The following NEU3 variants were observed in gnomAD, a reference collection of about 807,000 sequenced individuals.
The protein encoded by NEU3 is neuraminidase 3, also known as sialidase-3.
A neutral mutation model predicts 11.4 loss-of-function variants in NEU3; 10 were observed. That is an observed-to-expected ratio of 0.88 (90% confidence interval 0.54 to 1.49). The LOEUF (loss-of-function observed/expected upper bound fraction) is 1.49, where lower values mean the gene tolerates loss of function less well. Among genes scored for constraint, NEU3 ranks in the 40% most tolerant of loss-of-function variants. NEU3 has a pLI of 0.00. For synonymous variants in NEU3, 212 were observed against 228.2 expected, an observed-to-expected ratio of 0.93 and a Z score of 0.64; for missense variants, 529 against 581.8, an observed-to-expected ratio of 0.91 and a Z score of 0.93.
intron 2 of NEU3, among the ~76,000 whole-genome samples, 176 bp from the exon 3 acceptor site, chr11:75,005,237 C>T (rs533515461): frequency 1.3e-5 from 2 of 152,242 alleles, no homozygotes; most frequent in Non-Finnish European, 2.9e-5. Context: ...TTGTCTCTTT[C>T]CAGCTTTGTA....
chr11:74,994,412 C>G (rs140974873), intron 1 of NEU3, 97 bp from the exon 2 acceptor site: 199 of 853,044 alleles, frequency 2.3e-4, no homozygotes, highest in South Asian at 3.3e-4. Flanking sequence ...TGTGCCCCCC[C>G]ACCTTTGCTC....
chr11:74,989,846 G>T (rs1295740647), intron 1 of NEU3: 16 of 638,186 alleles, frequency 2.5e-5, no homozygotes, highest in Non-Finnish European at 4.3e-5. Context: ...CAGTAAGAAA[G>T]CGGGAAGGAC....
At chr11:74,984,321 A>C (rs1948654446), upstream of NEU3, among the ~76,000 whole-genome samples, 1 of 152,208 alleles carries the variant, frequency 6.6e-6, no homozygotes, top group Admixed American at 6.5e-5. Context: ...ATTATTGAAG[A>C]TTCAGGTTCC....
chr11:74,981,327 T>C, the NEU3 span, among the ~76,000 whole-genome samples: 1 of 152,210 alleles, frequency 6.6e-6, no homozygotes, highest in Non-Finnish European at 1.5e-5. Context: ...GGAGAGGCAA[T>C]CTGCCATGAG....
upstream of NEU3, among the ~76,000 whole-genome samples, chr11:74,984,866 G>A (rs1948656516): frequency 6.6e-6 from 1 of 152,154 alleles, no homozygotes; most frequent in African/African-American, 2.4e-5. Context: ...GGAGGTCTGG[G>A]AGGTCCTCAT....
Position 75,006,289 on chromosome 11 carries a change from A to G in NEU3, c.1183A>G (p.Ile395Val). 6.2e-7 allele frequency: 1 copy of G among 1,613,922 alleles called. No individual in the cohort carries two copies. Among genetic ancestry groups the G allele is most frequent in the Non-Finnish European group, 8.5e-7 (1 of 1,179,882 alleles). ...LEAACWSRPW[I>V]LHCGPCGYSD... ...GGCTGCCTGCTGGTCCCGCCCCTGGATCTTGCACTGTGGGCCCTGTGGCTA... is the reference window on the plus strand; with the variant it reads ...GGCTGCCTGCTGGTCCCGCCCCTGGGTCTTGCACTGTGGGCCCTGTGGCTA... The change falls in exon 3 of 3, where the codon ATC (isoleucine) becomes GTC (valine). Residue 395 changes from isoleucine (I) to valine (V), a missense_variant. Ile to Val is a conservative substitution (Grantham distance 29). Coordinates refer to ENST00000294064, the MANE Select transcript of NEU3 (RefSeq NM_006656.6).
chr11:75,006,808 A>G lies in NEU3; in HGVS notation c.*316A>G, dbSNP rs926393469. ...GAGAGTATTGGTTCTAAGATTTCTC[A>G]TCTTCTCATCCCTAGGACAAGCATA... On this transcript the variant is annotated 3_prime_UTR_variant, in exon 3 of 3. Coordinates refer to ENST00000294064, the MANE Select transcript of NEU3 (RefSeq NM_006656.6). 3 of 261,750 alleles carry G rather than the reference A, an allele frequency of 1.1e-5. No homozygotes were observed. The Admixed American group carries it at 1.5e-4, about 13-fold the overall frequency. The allele number at this position is 261,750 out of a possible 1,614,324, so 16.2% of individuals were successfully genotyped here. A position where few individuals can be genotyped will look rare whatever the true frequency, so the allele number is the denominator to read the frequency against.
At chr11:74,989,725 A>G (rs1948710106) in intron 1 of NEU3, among the ~76,000 whole-genome samples, 1 of 152,200 alleles carries the variant, frequency 6.6e-6, no homozygotes, top group African/African-American at 2.4e-5. Context: ...AGTAGGCGGT[A>G]TTATCTCCAT....
chr11:75,008,384 G>A lies in NEU3; in HGVS notation c.*1892G>A, dbSNP rs1948920837. On this transcript the variant is annotated 3_prime_UTR_variant, in exon 3 of 3. Coordinates refer to ENST00000294064, the MANE Select transcript of NEU3 (RefSeq NM_006656.6). ...TCTAGGGATGGGCAGGATTGGTGCA[G>A]GGAGGAATTGGGGAAGGGGAGAGGA... 6.6e-6 allele frequency: 1 copy of A among 152,192 alleles called. No individual in the cohort carries two copies. The highest frequency in any genetic ancestry group is 6.5e-5 in the Admixed American group (1 of 15,278). The allele number at this position is 152,192 out of a possible 1,614,324, so 9.4% of individuals were successfully genotyped here.
chr11:74,982,042 G>A, the NEU3 span, among the ~76,000 whole-genome samples: 1 of 152,338 alleles, frequency 6.6e-6, no homozygotes, highest in African/African-American at 2.4e-5. Context: ...GCAAGCTCAT[G>A]GCTCCAGCTG....
Position 75,006,330 on chromosome 11 carries a change from T to C in NEU3, c.1224T>C (p.Ala408=), listed in dbSNP as rs896035564. The change falls in exon 3 of 3, where the codon GCT becomes GCC. Residue 408 remains alanine (A), a synonymous_variant. Coordinates refer to ENST00000294064, the MANE Select transcript of NEU3 (RefSeq NM_006656.6). ...CGPCGYSDLA[A]LEEEGLFGCL... is the part of the protein sequence containing the mutation. ...CCTGTGGCTACTCTGATCTGGCTGCTCTGGAGGAGGAGGGCTTGTTTGGGT... is the reference window on the plus strand; with the variant it reads ...CCTGTGGCTACTCTGATCTGGCTGCCCTGGAGGAGGAGGGCTTGTTTGGGT... 1 of 1,613,942 alleles carries C rather than the reference T, an allele frequency of 6.2e-7. No homozygotes were observed. The highest frequency in any genetic ancestry group is 8.5e-7 in the Non-Finnish European group (1 of 1,179,876).
intron 1 of NEU3, chr11:74,990,219 T>C: frequency 3.9e-6 from 2 of 510,164 alleles, no homozygotes; most frequent in Non-Finnish European, 7.0e-6. Context: ...TTATCCATAG[T>C]TTACAAGCAA....
At chr11:74,997,372 A>G (rs1468110319) in intron 2 of NEU3, among the ~76,000 whole-genome samples, 1 of 152,172 alleles carries the variant, frequency 6.6e-6, no homozygotes, top group Non-Finnish European at 1.5e-5. Context: ...TACCTCTCTC[A>G]GCCTTTGTAG....
intron 2 of NEU3, among the ~76,000 whole-genome samples, chr11:74,999,651 A>T (rs1236120883): frequency 6.6e-6 from 1 of 152,204 alleles, no homozygotes; most frequent in African/African-American, 2.4e-5. Context: ...TAAGAACTAA[A>T]CATTTGTCAT....
chr11:75,001,985 A>G (rs1948848858), intron 2 of NEU3, among the ~76,000 whole-genome samples: 1 of 152,190 alleles, frequency 6.6e-6, no homozygotes, highest in Non-Finnish European at 1.5e-5. Context: ...TTTTATCCAG[A>G]AGACTGCGAG....
chr11:75,017,504 G>A (rs1301726844), intron 3 of NEU3, among the ~76,000 whole-genome samples: 1 of 152,204 alleles, frequency 6.6e-6, no homozygotes, highest in Non-Finnish European at 1.5e-5. Context: ...CAATTATAAG[G>A]CTGCAACTGT....
chr11:74,989,882 C>T (rs1291543198), intron 1 of NEU3: 3 of 680,802 alleles, frequency 4.4e-6, no homozygotes, highest in Non-Finnish European at 8.0e-6. Flanking sequence ...TTATATCGAG[C>T]AGCAAGTAAT....
chr11:74,983,356 A>G (rs1948650289), upstream of NEU3, among the ~76,000 whole-genome samples: 1 of 152,248 alleles, frequency 6.6e-6, no homozygotes. Flanking sequence ...ACAACATACA[A>G]CCGCAAGAGG....
chr11:74,980,881 T>C, the NEU3 span, among the ~76,000 whole-genome samples: 28 of 152,270 alleles, frequency 1.8e-4, no homozygotes, highest in Admixed American at 1.8e-3. Context: ...ATTCTTCCTC[T>C]ATAGGCAGCA....
Sources: allele counts gnomAD v4.1 joint callset (sites outside exome capture counted in the v4.1 genomes callset), GRCh38; gene constraint gnomAD v4.1.1; transcripts MANE v1.5; gene names NCBI Gene and HGNC (gene_info 2026-07-23, HGNC 2026-07-21).